Variants in MAGI2 observed in about 807,000 individuals in gnomAD.
MAGI2 encodes membrane associated guanylate kinase, WW and PDZ domain containing 2.
In MAGI2, 35 loss-of-function variants were observed where a neutral mutation model predicts 133.3. The ratio of observed to expected loss-of-function variants is 0.26; its 90% CI spans 0.20 to 0.35. The LOEUF (loss-of-function observed/expected upper bound fraction) is 0.35, where lower values mean the gene tolerates loss of function less well. Ranked by LOEUF, MAGI2 falls within the 10% of genes least tolerant of loss-of-function variation. The probability of loss-of-function intolerance (pLI) is 1.00; values close to 1 mark genes in which losing one functional copy is unlikely to be tolerated. For missense variants in MAGI2, 1,636 were observed against 1,863.4 expected, an observed-to-expected ratio of 0.88 and a Z score of 2.25; for synonymous variants, 729 against 710.6, an observed-to-expected ratio of 1.03 and a Z score of -0.41.
intron 1 of MAGI2, among the ~76,000 whole-genome samples, chr7:79,136,044 A>AGAAAGAAAGAAAGAAAGAAAGAAG (rs1562929042): frequency 1.0e-4 from 14 of 136,968 alleles, no homozygotes; most frequent in African/African-American, 4.2e-4. Flanking sequence ...AAAGAAAGAA[A>AGAAAGAAAGAAAGAAAGAAAGAAG]GAAGGAAAGA....
chr7:78,644,075 G>C (rs1810583901), intron 2 of MAGI2, among the ~76,000 whole-genome samples: 1 of 152,006 alleles, frequency 6.6e-6, no homozygotes. Context: ...AACATTAACA[G>C]TGATAAAGAA....
At chr7:78,422,258 CA>C (rs1798870486) in intron 6 of MAGI2, among the ~76,000 whole-genome samples, 1 of 152,094 alleles carries the variant, frequency 6.6e-6, no homozygotes, top group East Asian at 1.9e-4. Flanking sequence ...TGCGTATTCT[CA>C]TTTGTCACAC....
intron 3 of MAGI2, among the ~76,000 whole-genome samples, chr7:78,545,014 A>T (rs1798706743): frequency 6.6e-6 from 1 of 151,078 alleles, no homozygotes; most frequent in African/African-American, 2.4e-5. Flanking sequence ...TTATGTTGCC[A>T]CTTATAAAAC....
At chr7:78,208,367 T>C (rs1787338404) in intron 10 of MAGI2, among the ~76,000 whole-genome samples, 1 of 152,138 alleles carries the variant, frequency 6.6e-6, no homozygotes. Flanking sequence ...TGTCTTCTGA[T>C]AAACTCAGCT....
chr7:78,671,382 C>T (rs1474868616), intron 2 of MAGI2, among the ~76,000 whole-genome samples: 2 of 151,414 alleles, frequency 1.3e-5, no homozygotes, highest in African/African-American at 4.9e-5. Context: ...AGATACTTTG[C>T]AAAAATAATT....
intron 9 of MAGI2, among the ~76,000 whole-genome samples, chr7:78,280,104 T>C (rs1795419360): frequency 6.6e-6 from 1 of 152,092 alleles, no homozygotes; most frequent in Admixed American, 6.6e-5. Context: ...TAGAATGGCC[T>C]TTGAGATAGA....
At chr7:78,326,011 C>A (rs978680690) in intron 9 of MAGI2, among the ~76,000 whole-genome samples, 5 of 152,168 alleles carry the variant, frequency 3.3e-5, no homozygotes, top group African/African-American at 1.2e-4. Flanking sequence ...CCTGATCAAC[C>A]TCCTGGCAGC....
At chr7:78,543,341 T>C (rs1167745891) in intron 3 of MAGI2, among the ~76,000 whole-genome samples, 2 of 152,230 alleles carry the variant, frequency 1.3e-5, no homozygotes, top group African/African-American at 2.4e-5. Flanking sequence ...GAGACATCTA[T>C]CTAATAACAC....
At chr7:78,236,675 G>A (rs1026754799) in intron 10 of MAGI2, among the ~76,000 whole-genome samples, 34 of 152,096 alleles carry the variant, frequency 2.2e-4, no homozygotes, top group African/African-American at 7.7e-4. Flanking sequence ...TGCATTTAAG[G>A]TGTTAGAAAC....
At chr7:78,725,399 T>C (rs1470099313) in intron 2 of MAGI2, among the ~76,000 whole-genome samples, 1 of 152,264 alleles carries the variant, frequency 6.6e-6, no homozygotes, top group Non-Finnish European at 1.5e-5. Context: ...CCTTCCATTG[T>C]ACTTTTTAAA....
At position 78,281,663 on chromosome 7, in the gene MAGI2, A is replaced by G. The variant is rs4730177; in HGVS notation, c.1409-25082T>C. On this transcript the variant is annotated intron_variant, in intron 9 of 21. Transcript: ENST00000354212. ...CTCTCTCATTCTAAATACAGTCACA[A>G]GTAGAGTCTGGCAGCATAGTGATAT... Among the ~76,000 whole-genome samples the G allele has an allele frequency of 4.0e-3, 602 of 152,258 alleles. 12 individuals carry two copies. Among genetic ancestry groups the G allele is most frequent in the Admixed American group, 0.029 (444 of 15,276 alleles).
chr7:78,105,578 T>C (rs1295128501), intron 20 of MAGI2, among the ~76,000 whole-genome samples: 4 of 152,194 alleles, frequency 2.6e-5, no homozygotes, highest in African/African-American at 9.6e-5. Flanking sequence ...TAGTATATCA[T>C]TATGGTTTTA....
chr7:78,511,838 G>C (rs966802904), intron 4 of MAGI2, among the ~76,000 whole-genome samples: 1 of 151,560 alleles, frequency 6.6e-6, no homozygotes, highest in Non-Finnish European at 1.5e-5. Flanking sequence ...GCTCATGCCT[G>C]TAATCCCAGC....
chr7:78,334,675 G>C (rs1789568448), intron 9 of MAGI2, among the ~76,000 whole-genome samples: 1 of 152,146 alleles, frequency 6.6e-6, no homozygotes, highest in Admixed American at 6.5e-5. Flanking sequence ...GGTGAGAAAG[G>C]AATCTTCTTG....
At chr7:78,296,859 C>T (rs561034949) in intron 9 of MAGI2, among the ~76,000 whole-genome samples, 13 of 152,280 alleles carry the variant, frequency 8.5e-5, no homozygotes, top group Admixed American at 5.9e-4. Flanking sequence ...GCTCAGTCAG[C>T]GTGGGAAAGG....
chr7:79,438,831 C>G (rs1029809397), intron 1 of MAGI2, among the ~76,000 whole-genome samples: 7 of 152,088 alleles, frequency 4.6e-5, no homozygotes, highest in African/African-American at 1.7e-4. Context: ...TCTCCTTTCC[C>G]CCAATCCCTC....
At chr7:78,714,652 AT>A (rs1260458162) in intron 2 of MAGI2, among the ~76,000 whole-genome samples, 1 of 152,182 alleles carries the variant, frequency 6.6e-6, no homozygotes, top group East Asian at 1.9e-4. Context: ...TATCTGTATT[AT>A]TCAAGAACCA....
chr7:78,477,938 T>C lies in MAGI2; in HGVS notation c.1045+11823A>G, dbSNP rs546825380. On this transcript the variant is annotated intron_variant, in intron 6 of 21. Coordinates refer to ENST00000354212, the MANE Select transcript of MAGI2 (RefSeq NM_012301.4). Reference sequence around the variant, plus strand: ...AGGAAATTTTATTTTTATTTTTTTATTATACTTTAAGTTCTGGGGTACACG... The same window carrying C: ...AGGAAATTTTATTTTTATTTTTTTACTATACTTTAAGTTCTGGGGTACACG... 1.3e-5 allele frequency among the ~76,000 whole-genome samples: 2 copies of C among 148,650 alleles called. 1 individual carries two copies. Among genetic ancestry groups the C allele is most frequent in the South Asian group, 4.3e-4 (2 of 4,674 alleles).
chr7:78,713,622 G>A (rs1037819480), intron 2 of MAGI2, among the ~76,000 whole-genome samples: 1 of 152,020 alleles, frequency 6.6e-6, no homozygotes, highest in Non-Finnish European at 1.5e-5. Context: ...CTTGAATGGC[G>A]GTACATTAAA....
Sources: gnomAD v4.1 joint callset for allele counts (sites outside exome capture counted in the v4.1 genomes callset) on GRCh38, gnomAD v4.1.1 for gene constraint, MANE v1.5 for transcripts, NCBI Gene and HGNC (gene_info 2026-07-23, HGNC 2026-07-21) for gene names.